The following AUTS2 variants were observed in gnomAD, a reference collection of about 807,000 sequenced individuals.
AUTS2 encodes the protein activator of transcription and developmental regulator AUTS2, also known as autism susceptibility gene 2 protein.
Under a neutral mutation model 112.4 loss-of-function variants are expected in AUTS2, and 17 were observed. The observed-to-expected ratio is 0.15, with a 90% CI of 0.10 to 0.23. The LOEUF is 0.23. AUTS2 is among the 10% of genes least tolerant of loss of function. The pLI, the probability that AUTS2 is intolerant of heterozygous loss-of-function variation, is 1.00. For missense variants in AUTS2, 1,510 were observed against 1,701.6 expected (o/e 0.89, Z 1.98); for synonymous variants, 751 against 702.7 (o/e 1.07, Z -1.09).
intron 2 of AUTS2, among the ~76,000 whole-genome samples, chr7:70,091,895 T>C (rs1584708509): frequency 6.6e-6 from 1 of 152,334 alleles, no homozygotes; most frequent in Middle Eastern, 3.4e-3. Context: ...TCCTGTAATT[T>C]GCTGTGGTGA....
intron 5 of AUTS2, among the ~76,000 whole-genome samples, chr7:70,502,013 T>A (rs1460509702): frequency 6.6e-6 from 1 of 152,176 alleles, no homozygotes; most frequent in Non-Finnish European, 1.5e-5. Context: ...TCCCTGTCAA[T>A]AGCATTCTCA....
intron 1 of AUTS2, among the ~76,000 whole-genome samples, chr7:69,893,390 T>C (rs981382312): frequency 6.6e-6 from 1 of 152,188 alleles, no homozygotes; most frequent in Admixed American, 6.6e-5. Flanking sequence ...ATTGGTAGAA[T>C]CAGTGTTTGT....
chr7:70,591,993 A>G lies in AUTS2; in HGVS notation c.691-106576A>G, dbSNP rs138230304. 2.5e-3 allele frequency among the ~76,000 whole-genome samples: 375 copies of G among 152,340 alleles called. 2 individuals carry two copies. Among genetic ancestry groups the G allele is most frequent in the African/African-American group, 8.5e-3 (355 of 41,584 alleles). On this transcript the variant is annotated intron_variant, in intron 5 of 18. Transcript: ENST00000342771. Reference sequence around the variant, plus strand: ...GATGATCATCTATGAAAATAATAACAAAAAATGTTGCTGGTTATAAATGCA... The same window carrying G: ...GATGATCATCTATGAAAATAATAACGAAAAATGTTGCTGGTTATAAATGCA...
At chr7:69,672,795 T>C (rs1318431946) in intron 1 of AUTS2, among the ~76,000 whole-genome samples, 5 of 152,218 alleles carry the variant, frequency 3.3e-5, no homozygotes, top group African/African-American at 4.8e-5. Context: ...CCTGTTGGCA[T>C]CTTCTCTTTC....
intron 5 of AUTS2, among the ~76,000 whole-genome samples, chr7:70,445,258 T>C (rs1585153453): frequency 6.6e-6 from 1 of 152,124 alleles, no homozygotes; most frequent in South Asian, 2.1e-4. Context: ...AGTTGTGTCT[T>C]AGGATTCCAG....
chr7:70,040,653 A>AGGT (rs1801206074), intron 2 of AUTS2, among the ~76,000 whole-genome samples: 2 of 152,038 alleles, frequency 1.3e-5, no homozygotes, highest in Non-Finnish European at 2.9e-5. Flanking sequence ...CCACCCAGGA[A>AGGT]CCTCTCTGGC....
At chr7:70,448,742 C>CT (rs779487835) in intron 5 of AUTS2, among the ~76,000 whole-genome samples, 114 of 152,210 alleles carry the variant, frequency 7.5e-4, no homozygotes, top group Non-Finnish European at 1.4e-3. Context: ...CACCCCTTTA[C>CT]TGGACGTCCA....
At chr7:70,123,530 CTGTTGTTTCCCTCTCTGTGTT>C (rs1281565640) in intron 3 of AUTS2, among the ~76,000 whole-genome samples, 1 of 152,140 alleles carries the variant, frequency 6.6e-6, no homozygotes. Context: ...ACCCTAGTGT[CTGTTGTTTCCCTCTCTGTGTT>C]CATAAGTTCT....
intron 5 of AUTS2, among the ~76,000 whole-genome samples, chr7:70,528,112 T>TTA (rs1563018234): frequency 4.7e-5 from 7 of 149,608 alleles, no homozygotes; most frequent in African/African-American, 1.7e-4. Flanking sequence ...TTTTTTTTTT[T>TTA]TTTTTTTACT....
intron 6 of AUTS2, among the ~76,000 whole-genome samples, chr7:70,712,401 T>C (rs926327364): frequency 6.6e-6 from 1 of 151,986 alleles, no homozygotes; most frequent in Non-Finnish European, 1.5e-5. Context: ...ATGCTTAGTT[T>C]TATAGAGGAT....
chr7:69,700,747 T>C (rs1797768787), intron 1 of AUTS2, among the ~76,000 whole-genome samples: 1 of 152,216 alleles, frequency 6.6e-6, no homozygotes, highest in Non-Finnish European at 1.5e-5. Context: ...ATAATAAATG[T>C]GGTTTTCAAG....
At chr7:70,543,531 GA>G (rs5884786) in intron 5 of AUTS2, among the ~76,000 whole-genome samples, 24,446 of 113,244 alleles carry the variant, frequency 0.22, 2,145 homozygotes, top group African/African-American at 0.27. Flanking sequence ...TCCATCTTGG[GA>G]AAAAAAAAAA....
At chr7:69,794,127 G>A (rs1233552914) in intron 1 of AUTS2, among the ~76,000 whole-genome samples, 1 of 152,192 alleles carries the variant, frequency 6.6e-6, no homozygotes, top group East Asian at 1.9e-4. Flanking sequence ...ATATTAGGAT[G>A]GAGAATTGAG....
Position 70,772,124 on chromosome 7 carries a change from A to G in AUTS2, c.1830+480A>G, listed in dbSNP as rs573748345. Among the ~76,000 whole-genome samples, 46 of 152,126 alleles carry G rather than the reference A, an allele frequency of 3.0e-4. 1 individual carries two copies. Among genetic ancestry groups the G allele is most frequent in the Admixed American group, 9.8e-4 (15 of 15,266 alleles). ...TCATTCTCCCTCATTTCCCTCGCCA[A>G]CCCCATCGGCTGCAAACAGGGCCTG... On this transcript the variant is annotated intron_variant, in intron 11 of 18. Coordinates refer to ENST00000342771, the MANE Select transcript of AUTS2 (RefSeq NM_015570.4).
chr7:70,569,083 C>G (rs1266433877), intron 5 of AUTS2, among the ~76,000 whole-genome samples: 1 of 152,170 alleles, frequency 6.6e-6, no homozygotes, highest in Non-Finnish European at 1.5e-5. Context: ...TCCGCTCTCC[C>G]CAAGTACTTT....
intron 1 of AUTS2, among the ~76,000 whole-genome samples, chr7:69,647,764 G>C (rs566994270): frequency 6.6e-6 from 1 of 152,324 alleles, no homozygotes; most frequent in Admixed American, 6.5e-5. Flanking sequence ...CATAGTTTTG[G>C]AGGCTAGGAA....
chr7:70,319,693 C>G (rs1056862469), intron 4 of AUTS2, among the ~76,000 whole-genome samples: 2 of 152,148 alleles, frequency 1.3e-5, no homozygotes, highest in Admixed American at 1.3e-4. Context: ...CCTCAGGGCT[C>G]AGAACATCCA....
rs77225173 is a variant in AUTS2, at chr7:70,547,115, A to G, written c.690+111334A>G. 2.7e-3 allele frequency among the ~76,000 whole-genome samples: 414 copies of G among 152,300 alleles called. 16 individuals carry two copies. In the East Asian group the frequency reaches 0.075, roughly 28 times the overall value. ...CACAATTCAATTTTAGAACATTTTC[A>G]TCATTCCAGTAAAATCCCTCATGCC... On this transcript the variant is annotated intron_variant, in intron 5 of 18. Transcript: ENST00000342771.
At chr7:69,982,466 G>GA (rs1360143412) in intron 2 of AUTS2, among the ~76,000 whole-genome samples, 2 of 130,436 alleles carry the variant, frequency 1.5e-5, no homozygotes, top group South Asian at 2.4e-4. Context: ...CTATCCTGAG[G>GA]GGGGAAAAAA....
Sources: gnomAD v4.1 joint callset for allele counts (sites outside exome capture counted in the v4.1 genomes callset) on GRCh38, gnomAD v4.1.1 for gene constraint, MANE v1.5 for transcripts, NCBI Gene and HGNC (gene_info 2026-07-23, HGNC 2026-07-21) for gene names.